The following KLHL24 variants were observed in gnomAD, a reference collection of about 807,000 sequenced individuals.
The protein encoded by KLHL24 is kelch like family member 24, also known as kelch-like protein 24.
In KLHL24, 29 loss-of-function variants were observed where a neutral mutation model predicts 53.4. That is an observed-to-expected ratio of 0.54 (90% CI 0.40 to 0.74). The LOEUF is 0.74. Among genes scored for constraint, KLHL24 ranks in the 30% least tolerant of loss-of-function variants. The probability of loss-of-function intolerance (pLI) is 0.00; values close to 1 mark genes in which losing one functional copy is unlikely to be tolerated. For synonymous variants in KLHL24, 222 were observed against 253.7 expected (o/e 0.88, Z 1.19); for missense variants, 504 against 744.0 (o/e 0.68, Z 3.75).
chr3:183,672,344 A>G lies in KLHL24; in HGVS notation c.1462A>G (p.Ile488Val). 6.2e-7 allele frequency: 1 copy of G among 1,610,376 alleles called. No homozygotes were observed. Among genetic ancestry groups the G allele is most frequent in the Non-Finnish European group, 8.5e-7 (1 of 1,177,918 alleles). ...ETNSWLLRAA[I>V]PIAKRCITAV... The stretch of plus-strand genomic sequence containing the variant: ...CAATTCTTGGCTACTTCGTGCAGCT[A>G]TCCCAATTGCCAAAAGGTGTATAAC... The change falls in exon 7 of 8, where the codon ATC (isoleucine) becomes GTC (valine). Residue 488 changes from isoleucine to valine, a missense_variant. Ile to Val is a conservative substitution (Grantham distance 29). Transcript: ENST00000242810.
chr3:183,664,880 T>C (rs757514883), intron 4 of KLHL24, 41 bp from the exon 5 acceptor site: 9 of 1,189,226 alleles, frequency 7.6e-6, no homozygotes, highest in Non-Finnish European at 1.1e-5. Context: ...GACAGCTATA[T>C]CATGATAAAT....
chr3:183,674,924 A>G (rs758145100), intron 7 of KLHL24, among the ~76,000 whole-genome samples: 23 of 152,054 alleles, frequency 1.5e-4, no homozygotes, highest in Non-Finnish European at 3.1e-4. Flanking sequence ...TTGTAATTCT[A>G]CTTATCTTTC....
At position 183,651,502 on chromosome 3, in the gene KLHL24, C is replaced by T. The variant is rs533991882; in HGVS notation, c.920+226C>T. 4.6e-5 allele frequency among the ~76,000 whole-genome samples: 7 copies of T among 152,304 alleles called. No individual in the cohort carries two copies. In the South Asian group the frequency reaches 1.4e-3, roughly 32 times the overall value. On this transcript the variant is annotated intron_variant, in intron 3 of 7. Coordinates refer to ENST00000242810, the MANE Select transcript of KLHL24 (RefSeq NM_017644.3). ...TGTTTTGTGCTATCAAACAGTGTAG[C>T]AAAGGGTCTTTGCAACTGTGCATAT...
rs1216046584 is a variant in KLHL24 at position 183,672,323 on chromosome 3, T to A, written c.1441T>A (p.Ser481Thr). 4 of 1,600,682 alleles carry A rather than the reference T, an allele frequency of 2.5e-6. No individual in the cohort carries two copies. In the African/African-American group the frequency reaches 4.0e-5, roughly 16 times the overall value. The change falls in exon 7 of 8, where the codon TCT (serine) becomes ACT (threonine). Residue 481 changes from serine (S) to threonine (T), a missense_variant. By Grantham distance (58) the Ser-to-Thr change is moderately conservative. Coordinates refer to ENST00000242810, the MANE Select transcript of KLHL24 (RefSeq NM_017644.3). Reference sequence around the variant, plus strand: ...TCAATCTTATGATCCAGAAACCAATTCTTGGCTACTTCGTGCAGCTATCCC... The same window carrying A: ...TCAATCTTATGATCCAGAAACCAATACTTGGCTACTTCGTGCAGCTATCCC... ...KVQSYDPETN[S>T]WLLRAAIPIA...
At chr3:183,662,479 C>G (rs756409273) in intron 3 of KLHL24, among the ~76,000 whole-genome samples, 8 of 151,698 alleles carry the variant, frequency 5.3e-5, no homozygotes, top group Non-Finnish European at 8.8e-5. Context: ...TAAAATGTAA[C>G]TATAAAACAT....
chr3:183,682,801 T>G lies in KLHL24; in HGVS notation c.*3515T>G, dbSNP rs1440797376. On this transcript the variant is annotated 3_prime_UTR_variant, in exon 8 of 8. Coordinates refer to ENST00000242810, the MANE Select transcript of KLHL24 (RefSeq NM_017644.3). ...GGTATTTTTTTTTTCTCCTGTTGTCTGGATATGGCAATAGATTTTTTAAAT... is the reference window on the plus strand; with the variant it reads ...GGTATTTTTTTTTTCTCCTGTTGTCGGGATATGGCAATAGATTTTTTAAAT... 6.6e-6 allele frequency: 1 copy of G among 152,610 alleles called. No homozygotes were observed. The highest frequency in any genetic ancestry group is 1.5e-5 in the Non-Finnish European group (1 of 68,024). The allele number at this position is 152,610 out of a possible 1,614,324, so 9.5% of individuals were successfully genotyped here.
At position 183,650,683 on chromosome 3, in the gene KLHL24, C is replaced by T. The variant is rs1298706115; in HGVS notation, c.327C>T (p.Ile109=). The change falls in exon 3 of 8, where the codon ATC becomes ATT. Residue 109 remains isoleucine, a synonymous_variant. Coordinates refer to ENST00000242810, the MANE Select transcript of KLHL24 (RefSeq NM_017644.3). This position sits in a 1 kb window ranked among gnomAD's most constrained non-coding sequence, Gnocchi z 4.5. ...AAAGCCGAGAAATGTTGGTTGAGAT[C>T]AATGGTATTTTAGCTGAAGCTATGG... ...HRESREMLVE[I]NGILAEAMEC... is the part of the protein sequence containing the mutation. 15 of 1,613,776 alleles carry T rather than the reference C, an allele frequency of 9.3e-6. No individual in the cohort carries two copies. Among genetic ancestry groups the T allele is most frequent in the Middle Eastern group, 3.3e-4 (2 of 6,084 alleles).
chr3:183,641,822 A>G (rs1253597474), intron 1 of KLHL24, among the ~76,000 whole-genome samples: 3 of 152,204 alleles, frequency 2.0e-5, no homozygotes, highest in African/African-American at 4.8e-5. Flanking sequence ...AGCTTGTTTC[A>G]GTACACTCAC....
At chr3:183,664,855 C>T (rs1001059466) in intron 4 of KLHL24, 66 bp from the exon 5 acceptor site, 1 of 821,254 alleles carries the variant, frequency 1.2e-6, no homozygotes, top group Admixed American at 2.1e-5. Flanking sequence ...GCCTTGGTGG[C>T]ACAGATCTCT....
At chr3:183,667,793 T>G (rs9841090) in intron 5 of KLHL24, among the ~76,000 whole-genome samples, 1 of 151,592 alleles carries the variant, frequency 6.6e-6, no homozygotes, top group African/African-American at 2.4e-5. Context: ...CATGGCTCAC[T>G]GCAGCCTGGA....
intron 2 of KLHL24, 26 bp downstream of exon 2, chr3:183,643,568 T>C (rs1716788299): frequency 6.6e-6 from 1 of 152,242 alleles, no homozygotes; most frequent in South Asian, 2.1e-4. Flanking sequence ...TTATAAACTA[T>C]CTAAATGTTG....
intron 3 of KLHL24, among the ~76,000 whole-genome samples, chr3:183,655,240 C>T (rs9290767): frequency 0.34 from 50,940 of 152,046 alleles, 9,394 homozygotes; most frequent in African/African-American, 0.49. Flanking sequence ...TTTAAGAGCA[C>T]GAAAGCTTTG....
At chr3:183,662,858 CT>C (rs1720000400) in intron 3 of KLHL24, among the ~76,000 whole-genome samples, 2 of 152,216 alleles carry the variant, frequency 1.3e-5, no homozygotes, top group South Asian at 4.1e-4. Flanking sequence ...TTTCATCTTG[CT>C]TTTCTCCTTT....
At chr3:183,635,982 C>G (rs1458711137) in intron 1 of KLHL24, among the ~76,000 whole-genome samples, 189 bp downstream of exon 1, 1 of 152,150 alleles carries the variant, frequency 6.6e-6, no homozygotes, top group Non-Finnish European at 1.5e-5. Flanking sequence ...GGGTCTTCCT[C>G]CCCCGCTTGG....
At chr3:183,676,135 A>G (rs1385071087) in intron 7 of KLHL24, among the ~76,000 whole-genome samples, 1 of 152,194 alleles carries the variant, frequency 6.6e-6, no homozygotes, top group Non-Finnish European at 1.5e-5. Context: ...CACCAATGCT[A>G]CTAAATACAT....
At chr3:183,660,651 G>A (rs1383363605) in intron 3 of KLHL24, among the ~76,000 whole-genome samples, 1 of 152,002 alleles carries the variant, frequency 6.6e-6, no homozygotes, top group Non-Finnish European at 1.5e-5. Context: ...TTGAAAAGTT[G>A]GCATTTTGCG....
intron 2 of KLHL24, among the ~76,000 whole-genome samples, chr3:183,647,027 G>T (rs545225774): frequency 6.7e-6 from 1 of 148,230 alleles, no homozygotes; most frequent in Non-Finnish European, 1.5e-5. Flanking sequence ...TAGCTAGGAT[G>T]GTCTCGATTT....
chr3:183,637,693 G>A (rs1381184930), intron 1 of KLHL24, among the ~76,000 whole-genome samples: 1 of 152,166 alleles, frequency 6.6e-6, no homozygotes, highest in African/African-American at 2.4e-5. Context: ...CCAGGCTGGA[G>A]TGGAGTGGTC....
chr3:183,657,426 T>A lies in KLHL24; in HGVS notation c.921-6032T>A, dbSNP rs564143366. ...CTTCTTTCTGCTATCTCTTACCTGA[T>A]AATCAGTTACTATATAGTGAATATA... On this transcript the variant is annotated intron_variant, in intron 3 of 7. Transcript: ENST00000242810. 4.8e-3 allele frequency among the ~76,000 whole-genome samples: 736 copies of A among 152,346 alleles called. 3 individuals carry two copies. Among genetic ancestry groups the A allele is most frequent in the Non-Finnish European group, 9.2e-3 (623 of 68,028 alleles).
Sources: allele counts gnomAD v4.1 joint callset (sites outside exome capture counted in the v4.1 genomes callset), GRCh38; gene constraint gnomAD v4.1.1; non-coding constraint Gnocchi (gnomAD v3.1); transcripts MANE v1.5; gene names NCBI Gene and HGNC (gene_info 2026-07-23, HGNC 2026-07-21).